LRRTM4: variants seen among roughly 807,000 people sequenced by gnomAD.
LRRTM4 encodes the protein leucine-rich repeat transmembrane neuronal protein 4.
Under a neutral mutation model 47.6 loss-of-function variants are expected in LRRTM4, and 25 were observed. That is an observed-to-expected ratio of 0.53 (90% CI 0.38 to 0.73). The LOEUF (loss-of-function observed/expected upper bound fraction) is 0.73. LRRTM4 is among the 30% of genes least tolerant of loss of function. The probability of loss-of-function intolerance (pLI) is 0.00; values close to 1 mark genes in which losing one functional copy is unlikely to be tolerated. For synonymous variants in LRRTM4, 311 were observed against 269.5 expected (o/e 1.15, Z -1.51); for missense variants, 638 against 713.4 (o/e 0.89, Z 1.20).
At chr2:77,359,045 GT>G (rs1334008257) in intron 3 of LRRTM4, among the ~76,000 whole-genome samples, 2 of 151,632 alleles carry the variant, frequency 1.3e-5, no homozygotes, top group Non-Finnish European at 2.9e-5. Context: ...TATTTTCCTA[GT>G]TTACTATCTT....
chr2:77,490,751 A>G (rs1678120609), intron 3 of LRRTM4, among the ~76,000 whole-genome samples: 1 of 152,234 alleles, frequency 6.6e-6, no homozygotes, highest in Admixed American at 6.5e-5. Context: ...CTGATCTAAG[A>G]AGTAATTCTA....
chr2:77,331,412 G>A (rs1168611281), intron 3 of LRRTM4, among the ~76,000 whole-genome samples: 2 of 152,086 alleles, frequency 1.3e-5, no homozygotes, highest in South Asian at 2.1e-4. Context: ...AGAGGGCAGC[G>A]ATTATCCAGG....
intron 3 of LRRTM4, among the ~76,000 whole-genome samples, chr2:77,375,500 C>T (rs1325691289): frequency 6.6e-6 from 1 of 151,698 alleles, no homozygotes; most frequent in African/African-American, 2.4e-5. Flanking sequence ...ACAAATAGTA[C>T]TGTTAACTAT....
intron 3 of LRRTM4, among the ~76,000 whole-genome samples, chr2:76,973,577 G>A (rs967041898): frequency 6.6e-6 from 1 of 151,894 alleles, no homozygotes. Context: ...ATTTTCCTGG[G>A]AGACAAGAGG....
At chr2:77,187,034 C>T (rs540736286) in intron 3 of LRRTM4, among the ~76,000 whole-genome samples, 14 of 152,260 alleles carry the variant, frequency 9.2e-5, no homozygotes, top group African/African-American at 3.4e-4. Context: ...ACAAGTGCAG[C>T]TGCCTCACAC....
intron 3 of LRRTM4, among the ~76,000 whole-genome samples, chr2:77,480,366 C>A (rs577392910): frequency 2.6e-5 from 4 of 152,122 alleles, no homozygotes; most frequent in Non-Finnish European, 5.9e-5. Flanking sequence ...ATTAGAAATG[C>A]TTTGTGCTAA....
chr2:77,167,918 T>A (rs1353855099), intron 3 of LRRTM4, among the ~76,000 whole-genome samples: 1 of 152,128 alleles, frequency 6.6e-6, no homozygotes. Context: ...ACCTGTACGT[T>A]GTGCACATGT....
rs73940366 is a variant in LRRTM4, at chr2:77,161,413, G to A, written c.1551+356905C>T. ...AAAACCCAGCTTCTGATGCCTCAGC[G>A]AGGTGGCTTTGAGCAGTATCTCCCA... On this transcript the variant is annotated intron_variant, in intron 3 of 3. Coordinates refer to ENST00000409884, the MANE Select transcript of LRRTM4 (RefSeq NM_001134745.3). 2.5e-3 allele frequency among the ~76,000 whole-genome samples: 379 copies of A among 152,244 alleles called. 2 individuals carry two copies. The highest frequency in any genetic ancestry group is 9.0e-3 in the African/African-American group (375 of 41,542).
At chr2:77,001,623 T>G (rs1025084680) in intron 3 of LRRTM4, among the ~76,000 whole-genome samples, 2 of 152,112 alleles carry the variant, frequency 1.3e-5, no homozygotes, top group African/African-American at 4.8e-5. Flanking sequence ...TATAGCCACT[T>G]TTCTATATCT....
intron 3 of LRRTM4, among the ~76,000 whole-genome samples, chr2:77,065,654 C>T (rs1165752565): frequency 6.6e-6 from 1 of 152,024 alleles, no homozygotes; most frequent in African/African-American, 2.4e-5. Context: ...GAGAAATATA[C>T]TCAGTATTAG....
At chr2:76,920,946 C>T (rs555253596) in intron 3 of LRRTM4, among the ~76,000 whole-genome samples, 8 of 152,198 alleles carry the variant, frequency 5.3e-5, no homozygotes, top group African/African-American at 1.9e-4. Flanking sequence ...AAAGATTATA[C>T]TGAGTTTCCA....
chr2:77,385,564 TGAA>T (rs1673227972), intron 3 of LRRTM4, among the ~76,000 whole-genome samples: 1 of 152,122 alleles, frequency 6.6e-6, no homozygotes, highest in Non-Finnish European at 1.5e-5. Flanking sequence ...AACTTCAGAC[TGAA>T]GAAGTATAAT....
chr2:76,822,366 A>G (rs777393037), intron 3 of LRRTM4, among the ~76,000 whole-genome samples: 17 of 151,570 alleles, frequency 1.1e-4, no homozygotes, highest in Non-Finnish European at 1.8e-4. Flanking sequence ...AGAAATAAAC[A>G]TAAAAGAAAA....
At chr2:77,159,436 G>A (rs896110312) in intron 3 of LRRTM4, among the ~76,000 whole-genome samples, 3 of 151,500 alleles carry the variant, frequency 2.0e-5, no homozygotes, top group Non-Finnish European at 2.9e-5. Context: ...ACGAATTAAT[G>A]GGTGCAGCAC....
intron 3 of LRRTM4, among the ~76,000 whole-genome samples, chr2:77,324,472 T>C (rs184289022): frequency 6.6e-6 from 1 of 152,224 alleles, no homozygotes; most frequent in East Asian, 1.9e-4. Context: ...CCCCTGAAGA[T>C]GTGATTTTTA....
intron 3 of LRRTM4, among the ~76,000 whole-genome samples, chr2:76,837,017 A>G (rs1671534301): frequency 6.6e-6 from 1 of 152,080 alleles, no homozygotes; most frequent in African/African-American, 2.4e-5. Flanking sequence ...TCATTCTGTC[A>G]CCTTTGGATT....
At chr2:77,276,109 C>T (rs1316165071) in intron 3 of LRRTM4, among the ~76,000 whole-genome samples, 1 of 151,958 alleles carries the variant, frequency 6.6e-6, no homozygotes, top group Admixed American at 6.6e-5. Flanking sequence ...CTATCTTCAA[C>T]TTTTGCTCAC....
intron 3 of LRRTM4, among the ~76,000 whole-genome samples, chr2:77,258,422 CAT>C (rs980698131): frequency 1.3e-4 from 20 of 152,104 alleles, no homozygotes; most frequent in African/African-American, 4.8e-4. Context: ...AATAAAATGA[CAT>C]AGAACTATAA....
chr2:77,486,091 A>T (rs1677901034), intron 3 of LRRTM4, among the ~76,000 whole-genome samples: 1 of 152,190 alleles, frequency 6.6e-6, no homozygotes. Context: ...CTTAATAAAT[A>T]TTCAGTAATT....
Sources: gnomAD v4.1 joint callset for allele counts (sites outside exome capture counted in the v4.1 genomes callset) on GRCh38, gnomAD v4.1.1 for gene constraint, MANE v1.5 for transcripts, NCBI Gene and HGNC (gene_info 2026-07-23, HGNC 2026-07-21) for gene names.